SORL1: variants seen among roughly 807,000 people sequenced by gnomAD.
SORL1 encodes sortilin related receptor 1, also known as sortilin-related receptor.
Under a neutral mutation model 273.7 loss-of-function variants are expected in SORL1, and 127 were observed. That is an observed-to-expected ratio of 0.46 (90% CI 0.40 to 0.54). SORL1 has a LOEUF of 0.54. Among genes scored for constraint, SORL1 ranks in the 20% least tolerant of loss-of-function variants. SORL1 has a pLI of 0.00. For missense variants in SORL1, 2,494 were observed against 2,846.1 expected, an observed-to-expected ratio of 0.88 and a Z score of 2.81; for synonymous variants, 1,031 against 1,067.4, an observed-to-expected ratio of 0.97 and a Z score of 0.66.
At chr11:121,531,576 G>A (rs1862203277) in intron 11 of SORL1, among the ~76,000 whole-genome samples, 1 of 152,132 alleles carries the variant, frequency 6.6e-6, no homozygotes, top group Non-Finnish European at 1.5e-5. Flanking sequence ...CCTTCTGGAG[G>A]ATATTGATAT....
rs377106386 is a variant in SORL1 at position 121,555,172 on chromosome 11, C to T, written c.2440-15C>T. On this transcript the variant is annotated splice_polypyrimidine_tract_variant and intron_variant, in intron 17 of 47. Coordinates refer to ENST00000260197, the MANE Select transcript of SORL1 (RefSeq NM_003105.6). The stretch of plus-strand genomic sequence containing the variant: ...GAACAGTTCCTAGCATTTATTATTA[C>T]TTTTCTCTCTTAAGCGCCTCTGTTT... 4.0e-4 allele frequency: 637 copies of T among 1,608,128 alleles called. No homozygotes were observed. The highest frequency in any genetic ancestry group is 6.6e-4 in the Middle Eastern group (4 of 6,034).
intron 2 of SORL1, 103 bp from the exon 3 acceptor site, chr11:121,478,015 A>C: frequency 7.6e-7 from 1 of 1,321,666 alleles, no homozygotes; most frequent in Non-Finnish European, 1.0e-6. Flanking sequence ...CCGGGCAAAA[A>C]GAGTGAAACT....
chr11:121,476,762 T>TCCTCCCTC, intron 2 of SORL1, among the ~76,000 whole-genome samples: 1 of 80,190 alleles, frequency 1.2e-5, no homozygotes, highest in South Asian at 6.1e-4. Context: ...CTCCCACGCT[T>TCCTCCCTC]CCTCCCTCCC....
Position 121,615,649 on chromosome 11 carries a change from T to C in SORL1, c.5604+594T>C, listed in dbSNP as rs570359613. ...TAATAAGGAATTAGTAAATCCTTAG[T>C]GATGAGCGGAGGAACTAGCCTAGGT... On this transcript the variant is annotated intron_variant, in intron 41 of 47. Coordinates refer to ENST00000260197, the MANE Select transcript of SORL1 (RefSeq NM_003105.6). Among the ~76,000 whole-genome samples the C allele has an allele frequency of 1.6e-3, 242 of 152,254 alleles. 2 individuals are homozygous for C. The South Asian group carries it at 0.016, about 10-fold the overall frequency.
chr11:121,582,534 G>A (rs908201101), intron 25 of SORL1, among the ~76,000 whole-genome samples: 1 of 152,246 alleles, frequency 6.6e-6, no homozygotes, highest in South Asian at 2.1e-4. Context: ...AGGACCGTTA[G>A]GAGTGTTGGT....
At chr11:121,491,520 G>A (rs1434374909) in intron 5 of SORL1, among the ~76,000 whole-genome samples, 2 of 152,108 alleles carry the variant, frequency 1.3e-5, no homozygotes, top group Non-Finnish European at 2.9e-5. Flanking sequence ...TTGACCCCTC[G>A]CAAATTGACT....
Position 121,574,271 on chromosome 11 carries a change from T to A in SORL1, c.3368T>A (p.Phe1123Tyr). 1.2e-6 allele frequency: 2 copies of A among 1,613,920 alleles called. No individual in the cohort carries two copies. The highest frequency in any genetic ancestry group is 1.7e-6 in the Non-Finnish European group (2 of 1,179,768). The change falls in exon 24 of 48, where the codon TTT (phenylalanine) becomes TAT (tyrosine). Residue 1123 changes from phenylalanine (F) to tyrosine (Y), a missense_variant. By Grantham distance (22) the Phe-to-Tyr change is conservative (BLOSUM62 3). This residue lies in a region of SORL1 where 1,609 missense variants were observed against 1,816.4 expected (regional missense o/e 0.89). Coordinates refer to ENST00000260197, the MANE Select transcript of SORL1 (RefSeq NM_003105.6). The part of the protein sequence containing the change: ...PTTICDLDTQ[F>Y]RCQESGTCIP... ...ACCATCTGTGACCTGGACACCCAGT[T>A]TCGTTGCCAGGAGTCTGGGACTTGT... is the stretch of plus-strand genomic sequence containing the variant.
intron 28 of SORL1, 50 bp from the exon 29 acceptor site, chr11:121,589,209 C>T: frequency 6.2e-7 from 1 of 1,605,814 alleles, no homozygotes. Flanking sequence ...CTGCTTCGAC[C>T]CCTCAGCATG....
rs1428965864 is a variant in SORL1, at chr11:121,522,971, T to TGGA, written c.1580_1582dup (p.Gly527dup). ...CAAACGTGTACATCTCTAGCAGTGC[T>TGGA]GGAGCCAGGTGGCGAGAGGTCAGCC... is the stretch of plus-strand genomic sequence containing the variant. On this transcript the variant is annotated inframe_insertion, in exon 11 of 48. Transcript: ENST00000260197. 5 of 1,613,454 alleles carry TGGA rather than the reference T, an allele frequency of 3.1e-6. No homozygotes were observed. Among genetic ancestry groups the TGGA allele is most frequent in the Non-Finnish European group, 4.2e-6 (5 of 1,179,494 alleles).
intron 5 of SORL1, among the ~76,000 whole-genome samples, chr11:121,490,838 T>A (rs532605871): frequency 6.6e-6 from 1 of 151,852 alleles, no homozygotes; most frequent in Admixed American, 6.6e-5. Flanking sequence ...GTATAAGAAA[T>A]TGAATAATTT....
At chr11:121,527,444 T>C (rs1452901191) in intron 11 of SORL1, among the ~76,000 whole-genome samples, 1 of 152,150 alleles carries the variant, frequency 6.6e-6, no homozygotes, top group African/African-American at 2.4e-5. Context: ...GAGATACTTG[T>C]CTTTAATTTG....
chr11:121,532,595 C>A, intron 12 of SORL1, 43 bp downstream of exon 12: 1 of 1,491,482 alleles, frequency 6.7e-7, no homozygotes, highest in Non-Finnish European at 9.3e-7. Flanking sequence ...AACTTTCTCC[C>A]AGAAATTTAC....
chr11:121,543,888 C>T (rs1425609975), intron 13 of SORL1, among the ~76,000 whole-genome samples, 162 bp downstream of exon 13: 2 of 152,152 alleles, frequency 1.3e-5, no homozygotes, highest in African/African-American at 2.4e-5. Flanking sequence ...TAATTGAAGG[C>T]CTGCTCAATT....
In SORL1 at chr11:121,596,415, G is replaced by A. The variant is rs1018237525; in HGVS notation, c.4519+643G>A. On this transcript the variant is annotated intron_variant, in intron 32 of 47. Coordinates refer to ENST00000260197, the MANE Select transcript of SORL1 (RefSeq NM_003105.6). This position sits in a 1 kb window ranked among gnomAD's most constrained non-coding sequence, Gnocchi z 4.3. Reference sequence around the variant, plus strand: ...GAGGGAGACACTGGCTTCTGCAAGCGTTTATCCTCATGTGACCAGTCAGCG... The same window carrying A: ...GAGGGAGACACTGGCTTCTGCAAGCATTTATCCTCATGTGACCAGTCAGCG... 1.1e-4 allele frequency among the ~76,000 whole-genome samples: 17 copies of A among 152,184 alleles called. No homozygotes were observed. The highest frequency in any genetic ancestry group is 2.9e-4 in the African/African-American group (12 of 41,452).
chr11:121,603,977 CA>C (rs1268956370), intron 32 of SORL1, among the ~76,000 whole-genome samples: 11 of 152,194 alleles, frequency 7.2e-5, no homozygotes, highest in Admixed American at 7.2e-4. Context: ...TGTTTGACTC[CA>C]AAGTGCTCAC....
chr11:121,504,531 T>G (rs1295584823), intron 6 of SORL1, among the ~76,000 whole-genome samples: 3 of 152,232 alleles, frequency 2.0e-5, no homozygotes, highest in African/African-American at 7.2e-5. Flanking sequence ...GTATTATTGA[T>G]CTTATATTCT....
chr11:121,506,462 A>G (rs2134835600), intron 6 of SORL1, among the ~76,000 whole-genome samples: 1 of 152,208 alleles, frequency 6.6e-6, no homozygotes, highest in East Asian at 1.9e-4. Context: ...AAGAGAGCTC[A>G]TGCAGGGAAA....
chr11:121,576,832 C>G, intron 24 of SORL1: 1 of 1,534,032 alleles, frequency 6.5e-7, no homozygotes, highest in Non-Finnish European at 8.7e-7. Context: ...GACTGAGCAT[C>G]TCACGGTGAT....
In SORL1 at chr11:121,632,276, A is replaced by C. The variant is rs1338446915; in HGVS notation, c.*2713A>C. On this transcript the variant is annotated 3_prime_UTR_variant, in exon 48 of 48. Coordinates refer to ENST00000260197, the MANE Select transcript of SORL1 (RefSeq NM_003105.6). ...CTCTGGAAACCGATTTTACTCCTGG[A>C]TGTATTGAATGCCCCTTGAGCTTTA... 1 of 152,060 alleles carries C rather than the reference A, an allele frequency of 6.6e-6. No individual in the cohort carries two copies. The highest frequency in any genetic ancestry group is 2.1e-4 in the South Asian group (1 of 4,814). The allele number at this position is 152,060 out of a possible 1,614,324, so 9.4% of individuals were successfully genotyped here.
Sources: allele counts gnomAD v4.1 joint callset (sites outside exome capture counted in the v4.1 genomes callset), GRCh38; gene constraint gnomAD v4.1.1; regional missense constraint gnomAD v4.1.1; non-coding constraint Gnocchi (gnomAD v3.1); transcripts MANE v1.5; gene names NCBI Gene and HGNC (gene_info 2026-07-23, HGNC 2026-07-21).